Variants in CNOT9 observed in about 807,000 individuals in gnomAD.
CNOT9 encodes CCR4-NOT transcription complex subunit 9.
Under a neutral mutation model 37.4 loss-of-function variants are expected in CNOT9, and 8 were observed. The observed-to-expected ratio is 0.21, with a 90% CI of 0.13 to 0.39. CNOT9 has a LOEUF of 0.39. CNOT9 is among the 10% of genes least tolerant of loss of function. The pLI is 1.00. For synonymous variants in CNOT9, 120 were observed against 137.6 expected (o/e 0.87, Z 0.90); for missense variants, 154 against 365.3 (o/e 0.42, Z 4.71).
chr2:218,571,837 A>G (rs1694006274), intron 1 of CNOT9, among the ~76,000 whole-genome samples: 1 of 148,128 alleles, frequency 6.8e-6, no homozygotes, highest in South Asian at 2.1e-4. Context: ...TGCCCGCCTC[A>G]GCCCCCAAAG....
intron 1 of CNOT9, chr2:218,572,774 A>C (rs1694040626): frequency 1.3e-6 from 1 of 756,118 alleles, no homozygotes; most frequent in East Asian, 1.3e-4. Flanking sequence ...TTCCACTGAC[A>C]ATTCTAGCAT....
intron 1 of CNOT9, among the ~76,000 whole-genome samples, chr2:218,577,917 G>A (rs1353373185): frequency 6.6e-6 from 1 of 152,316 alleles, no homozygotes; most frequent in African/African-American, 2.4e-5. Flanking sequence ...AAGAGACTGG[G>A]CAGGAAACCT....
At chr2:218,576,382 G>A (rs1694168690) in intron 1 of CNOT9, among the ~76,000 whole-genome samples, 1 of 152,178 alleles carries the variant, frequency 6.6e-6, no homozygotes, top group South Asian at 2.1e-4. Context: ...CTTGTTATAT[G>A]TCCATGTGTG....
intron 1 of CNOT9, among the ~76,000 whole-genome samples, chr2:218,570,175 A>C (rs1361890993): frequency 2.0e-5 from 3 of 152,204 alleles, no homozygotes; most frequent in African/African-American, 4.8e-5. Context: ...TGATGGGGAA[A>C]GGAGATCATT....
chr2:218,568,939 G>A lies in CNOT9; in HGVS notation c.-16G>A. 1.2e-6 allele frequency: 2 copies of A among 1,607,044 alleles called. No homozygotes were observed. The highest frequency in any genetic ancestry group is 1.3e-5 in the African/African-American group (1 of 74,884). On this transcript the variant is annotated 5_prime_UTR_variant, in exon 1 of 8. Coordinates refer to ENST00000273064, the MANE Select transcript of CNOT9 (RefSeq NM_005444.3). The stretch of plus-strand genomic sequence containing the variant: ...GACGCGTCCGGCTGTGGAAGAGAGC[G>A]GCGGCCGCTCACAACATGCACAGCC...
chr2:218,580,921 C>A, intron 2 of CNOT9, 181 bp downstream of exon 2: 1 of 685,026 alleles, frequency 1.5e-6, no homozygotes, highest in Non-Finnish European at 2.6e-6. Context: ...GATCCTTACC[C>A]AAGAGATTCA....
intron 5 of CNOT9, among the ~76,000 whole-genome samples, chr2:218,591,242 A>G (rs991748538): frequency 2.0e-5 from 3 of 152,292 alleles, no homozygotes; most frequent in East Asian, 1.9e-4. Flanking sequence ...ATGAGCAGCC[A>G]AGAAAGAGTA....
chr2:218,592,903 CTG>C lies in CNOT9; in HGVS notation c.731+198_731+199del. The C allele has an allele frequency of 1.7e-6, 1 of 581,158 alleles. No homozygotes were observed. The highest frequency in any genetic ancestry group is 3.0e-6 in the Non-Finnish European group (1 of 328,230). The allele number at this position is 581,158 out of a possible 1,614,324, so 36.0% of individuals were successfully genotyped here. On this transcript the variant is annotated intron_variant, in intron 7 of 7. Coordinates refer to ENST00000273064, the MANE Select transcript of CNOT9 (RefSeq NM_005444.3). This position sits in a 1 kb window ranked among gnomAD's most constrained non-coding sequence, Gnocchi z 4.1. ...AGTAGCCATCAGTTTCATCTTCTCACTGTAACTCTCCATCCTACTGTGAAATT... is the reference window on the plus strand; with the variant it reads ...AGTAGCCATCAGTTTCATCTTCTCACTAACTCTCCATCCTACTGTGAAATT...
intron 5 of CNOT9, among the ~76,000 whole-genome samples, chr2:218,589,048 T>A (rs1421763538): frequency 6.6e-6 from 1 of 152,308 alleles, no homozygotes; most frequent in Admixed American, 6.5e-5. Flanking sequence ...TTTGATTTTT[T>A]TCAAGGTTAC....
rs1020497013 is a variant in CNOT9 at position 218,572,705 on chromosome 2, G to A, written c.24+3727G>A. ...TGGATGTTATGCTTGTGAAACAACC[G>A]GAGGTAAGCCTTTAGGGGATGTGTT... is the stretch of plus-strand genomic sequence containing the variant. On this transcript the variant is annotated intron_variant, in intron 1 of 7. Coordinates refer to ENST00000273064, the MANE Select transcript of CNOT9 (RefSeq NM_005444.3). The A allele has an allele frequency of 9.1e-6, 9 of 984,972 alleles. No homozygotes were observed. The South Asian group carries it at 1.4e-4, about 15-fold the overall frequency. 61.0% of individuals were successfully genotyped at this position (984,972 alleles called of 1,614,324 possible).
chr2:218,574,454 A>T (rs953660260), intron 1 of CNOT9, among the ~76,000 whole-genome samples: 3 of 152,200 alleles, frequency 2.0e-5, no homozygotes, highest in Non-Finnish European at 2.9e-5. Flanking sequence ...TGCTAAGGGA[A>T]TATTAAATTT....
At chr2:218,588,588 CTTTTTTTTTTTTTTT>C (rs1172484260) in intron 5 of CNOT9, among the ~76,000 whole-genome samples, 2 of 33,450 alleles carry the variant, frequency 6.0e-5, no homozygotes, top group African/African-American at 2.7e-4. Flanking sequence ...TCCACCCGGC[CTTTTTTTTTTTTTTT>C]TTTTTTTTTT....
chr2:218,593,599 AC>A (rs1559252051), intron 7 of CNOT9: 1 of 1,474,020 alleles, frequency 6.8e-7, no homozygotes, highest in African/African-American at 1.4e-5. Context: ...ATCTGATAAT[AC>A]TGCTACCATA....
At position 218,584,761 on chromosome 2, in the gene CNOT9, C is replaced by A. The variant is rs73077149; in HGVS notation, c.430+40C>A. The A allele has an allele frequency of 6.4e-3, 8,716 of 1,351,820 alleles. 391 individuals carry two copies. In the African/African-American group the frequency reaches 0.1, roughly 16 times the overall value. 83.7% of individuals were successfully genotyped at this position (1,351,820 alleles called of 1,614,324 possible). A position where few individuals can be genotyped will look rare whatever the true frequency, so the allele number is the denominator to read the frequency against. ...TTGTTTTGCAAGCCTGAAATACTCA[C>A]AGTAGTAGTCTAAGTTGGGTGTTTT... is the stretch of plus-strand genomic sequence containing the variant. On this transcript the variant is annotated intron_variant, in intron 4 of 7. Coordinates refer to ENST00000273064, the MANE Select transcript of CNOT9 (RefSeq NM_005444.3).
chr2:218,587,239 C>T (rs1472595434), intron 4 of CNOT9: 1 of 158,708 alleles, frequency 6.3e-6, no homozygotes, highest in African/African-American at 2.4e-5. Context: ...TCTCCTGCCT[C>T]AGCTTCCCGA....
chr2:218,576,666 T>C (rs1267088728), intron 1 of CNOT9, among the ~76,000 whole-genome samples: 1 of 152,156 alleles, frequency 6.6e-6, no homozygotes, highest in Non-Finnish European at 1.5e-5. Context: ...AGAATATAAT[T>C]TATTAGGAAG....
intron 1 of CNOT9, among the ~76,000 whole-genome samples, chr2:218,570,738 A>G (rs1693960917): frequency 1.3e-5 from 2 of 152,192 alleles, no homozygotes. Context: ...CTCTGTAGCT[A>G]TTCCTTTTAT....
At position 218,595,845 on chromosome 2, in the gene CNOT9, TTCTG is replaced by T. The variant is rs1255617395; in HGVS notation, c.*1573_*1576del. On this transcript the variant is annotated 3_prime_UTR_variant, in exon 8 of 8. Coordinates refer to ENST00000273064, the MANE Select transcript of CNOT9 (RefSeq NM_005444.3). ...AAGAGAGCCGGACTTGTTAGTTGGC[TTCTG>T]TCTCTTTAGAGCCAAGAAAATAGTA... The T allele has an allele frequency of 4.6e-5, 7 of 152,144 alleles. No individual in the cohort carries two copies. Among genetic ancestry groups the T allele is most frequent in the African/African-American group, 1.7e-4 (7 of 41,490 alleles). The allele number at this position is 152,144 out of a possible 1,614,324, so 9.4% of individuals were successfully genotyped here. A position where few individuals can be genotyped will look rare whatever the true frequency, so the allele number is the denominator to read the frequency against.
chr2:218,586,131 C>T (rs1407742819), intron 4 of CNOT9, among the ~76,000 whole-genome samples: 1 of 152,044 alleles, frequency 6.6e-6, no homozygotes, highest in Non-Finnish European at 1.5e-5. Context: ...GTTCATTCTC[C>T]CCAAACTGAT....
Sources: allele counts gnomAD v4.1 joint callset (sites outside exome capture counted in the v4.1 genomes callset), GRCh38; gene constraint gnomAD v4.1.1; non-coding constraint Gnocchi (gnomAD v3.1); transcripts MANE v1.5; gene names NCBI Gene and HGNC (gene_info 2026-07-23, HGNC 2026-07-21).